Variants in SERINC1 observed in about 807,000 individuals in gnomAD.
SERINC1 encodes tumor differentially expressed protein 2.
Under a neutral mutation model 52.9 loss-of-function variants are expected in SERINC1, and 38 were observed. The observed-to-expected ratio is 0.72, with a 90% CI of 0.55 to 0.94. The LOEUF is 0.94. SERINC1 is among the 40% of genes least tolerant of loss of function. The pLI is 0.00. For synonymous variants in SERINC1, 198 were observed against 183.1 expected, an observed-to-expected ratio of 1.08 and a Z score of -0.66; for missense variants, 471 against 533.9, an observed-to-expected ratio of 0.88 and a Z score of 1.16.
intron 2 of SERINC1, among the ~76,000 whole-genome samples, chr6:122,457,850 TCAA>T (rs1244041027): frequency 6.6e-6 from 1 of 151,338 alleles, no homozygotes; most frequent in African/African-American, 2.4e-5. Context: ...TACCACCAAG[TCAA>T]CATGTTAGAA....
At position 122,443,354 on chromosome 6, in the gene SERINC1, C is replaced by G. The variant is rs531498271; in HGVS notation, c.*1690G>C. On this transcript the variant is annotated 3_prime_UTR_variant, in exon 10 of 10. Transcript: ENST00000339697. ...AAATAATCAGTACACTACACACTTT[C>G]TCTGAATTCATTTATTTAGAGGTAA... 2 of 152,280 alleles carry G rather than the reference C, an allele frequency of 1.3e-5. No individual in the cohort carries two copies. Among genetic ancestry groups the G allele is most frequent in the Admixed American group, 1.3e-4 (2 of 15,302 alleles). The allele number at this position is 152,280 out of a possible 1,614,324, so 9.4% of individuals were successfully genotyped here.
At chr6:122,468,201 T>C (rs931144251) in intron 1 of SERINC1, among the ~76,000 whole-genome samples, 9 of 152,238 alleles carry the variant, frequency 5.9e-5, no homozygotes. Flanking sequence ...CTTAAAAAGT[T>C]ACTCCAACTT....
At chr6:122,448,880 G>C (rs1774856538) in intron 7 of SERINC1, among the ~76,000 whole-genome samples, 1 of 148,068 alleles carries the variant, frequency 6.8e-6, no homozygotes, top group African/African-American at 2.5e-5. Context: ...CAAGTCTATT[G>C]GTTCCATTTT....
chr6:122,454,250 A>T lies in SERINC1; in HGVS notation c.372-20T>A, dbSNP rs1413213258. On this transcript the variant is annotated intron_variant, in intron 3 of 9. Transcript: ENST00000339697. ...CAAAATCTAAAACAAAAAGAAATAT[A>T]ATTTTTTATTAATAGACATTCATCA... is the stretch of plus-strand genomic sequence containing the variant. 7.6e-7 allele frequency: 1 copy of T among 1,308,794 alleles called. No individual in the cohort carries two copies. The highest frequency in any genetic ancestry group is 1.1e-6 in the Non-Finnish European group (1 of 935,922). 81.1% of individuals were successfully genotyped at this position (1,308,794 alleles called of 1,614,324 possible).
At chr6:122,446,129 T>A (rs889408145) in intron 9 of SERINC1, among the ~76,000 whole-genome samples, 2 of 152,052 alleles carry the variant, frequency 1.3e-5, no homozygotes, top group African/African-American at 4.8e-5. Flanking sequence ...ATAGTTCAAT[T>A]TGAATCTTTG....
intron 7 of SERINC1, among the ~76,000 whole-genome samples, chr6:122,447,597 A>G (rs1774829477): frequency 1.3e-5 from 2 of 152,216 alleles, no homozygotes; most frequent in South Asian, 4.1e-4. Flanking sequence ...TAGTAGATTT[A>G]GAAAGAAAAT....
Position 122,446,623 on chromosome 6 carries a change from T to C in SERINC1, c.1226+151A>G, listed in dbSNP as rs548038651. On this transcript the variant is annotated intron_variant, in intron 9 of 9. Transcript: ENST00000339697. Reference sequence around the variant, plus strand: ...TTAAAGCAAGGAAGTAAAGACTGCATTTCTCATGCTGATCTCACTATTCAT... The same window carrying C: ...TTAAAGCAAGGAAGTAAAGACTGCACTTCTCATGCTGATCTCACTATTCAT... 167 of 600,446 alleles carry C rather than the reference T, an allele frequency of 2.8e-4. 3 individuals are homozygous for C. In the African/African-American group the frequency reaches 3.0e-3, roughly 11 times the overall value. The allele number at this position is 600,446 out of a possible 1,614,324, so 37.2% of individuals were successfully genotyped here. A position where few individuals can be genotyped will look rare whatever the true frequency, so the allele number is the denominator to read the frequency against.
chr6:122,448,147 A>G (rs1249007010), intron 7 of SERINC1, among the ~76,000 whole-genome samples: 1 of 151,918 alleles, frequency 6.6e-6, no homozygotes, highest in African/African-American at 2.4e-5. Context: ...AATATTCACT[A>G]AAGTGTCTAA....
intron 1 of SERINC1, among the ~76,000 whole-genome samples, chr6:122,469,884 A>C (rs1178367110): frequency 6.6e-6 from 1 of 152,152 alleles, no homozygotes; most frequent in Non-Finnish European, 1.5e-5. Context: ...AAAGCTGAAT[A>C]AATTTTAATT....
chr6:122,456,990 C>T (rs183822625), intron 2 of SERINC1, among the ~76,000 whole-genome samples: 1 of 152,234 alleles, frequency 6.6e-6, no homozygotes, highest in Admixed American at 6.5e-5. Flanking sequence ...TCTGAGACTA[C>T]TGTTCAGAAC....
intron 1 of SERINC1, among the ~76,000 whole-genome samples, chr6:122,463,056 C>G (rs1489752605): frequency 6.6e-6 from 1 of 152,124 alleles, no homozygotes; most frequent in Non-Finnish European, 1.5e-5. Flanking sequence ...GATTTCAAGA[C>G]TAGCATTAAA....
intron 5 of SERINC1, among the ~76,000 whole-genome samples, chr6:122,452,810 C>G (rs1434618142): frequency 6.6e-6 from 1 of 152,128 alleles, no homozygotes; most frequent in Admixed American, 6.6e-5. Context: ...AGTGAAATTT[C>G]CAAATGACTA....
Position 122,445,047 on chromosome 6 carries a change from G to A in SERINC1, c.1359C>T (p.Asp453=). 6.2e-7 allele frequency: 1 copy of A among 1,612,562 alleles called. No homozygotes were observed. The highest frequency in any genetic ancestry group is 8.5e-7 in the Non-Finnish European group (1 of 1,179,510). ...APLVLTNRDF[D] Reference sequence around the variant, plus strand: ...ACTTTCATGCTAGAAGTCTCACTCAGTCAAAATCACGATTTGTAAGAACAA... The same window carrying A: ...ACTTTCATGCTAGAAGTCTCACTCAATCAAAATCACGATTTGTAAGAACAA... The change falls in exon 10 of 10, where the codon GAC becomes GAT. Residue 453 remains aspartate, a synonymous_variant. Coordinates refer to ENST00000339697, the MANE Select transcript of SERINC1 (RefSeq NM_020755.4).
At chr6:122,450,209 T>C (rs1395454326) in intron 7 of SERINC1, among the ~76,000 whole-genome samples, 1 of 152,180 alleles carries the variant, frequency 6.6e-6, no homozygotes, top group Non-Finnish European at 1.5e-5. Context: ...ACAATGATTT[T>C]AAGAGAAAGC....
In SERINC1 at chr6:122,443,353, T is replaced by C. The variant is rs770233652; in HGVS notation, c.*1691A>G. The C allele has an allele frequency of 3.3e-5, 5 of 152,204 alleles. No individual in the cohort carries two copies. The highest frequency in any genetic ancestry group is 7.2e-5 in the African/African-American group (3 of 41,448). The allele number at this position is 152,204 out of a possible 1,614,324, so 9.4% of individuals were successfully genotyped here. On this transcript the variant is annotated 3_prime_UTR_variant, in exon 10 of 10. Transcript: ENST00000339697. ...TAAATAATCAGTACACTACACACTTTCTCTGAATTCATTTATTTAGAGGTA... is the reference window on the plus strand; with the variant it reads ...TAAATAATCAGTACACTACACACTTCCTCTGAATTCATTTATTTAGAGGTA...
chr6:122,467,206 A>G (rs1484702245), intron 1 of SERINC1, among the ~76,000 whole-genome samples: 1 of 152,234 alleles, frequency 6.6e-6, no homozygotes, highest in Non-Finnish European at 1.5e-5. Flanking sequence ...AGCAGGTCAG[A>G]AGATTCTGGG....
chr6:122,455,334 C>G (rs551749728), intron 3 of SERINC1, among the ~76,000 whole-genome samples: 11 of 152,090 alleles, frequency 7.2e-5, no homozygotes, highest in African/African-American at 2.7e-4. Flanking sequence ...GAAAGGCAGA[C>G]ACACCCTTAA....
intron 1 of SERINC1, among the ~76,000 whole-genome samples, chr6:122,461,214 T>C (rs925512137): frequency 6.6e-6 from 1 of 152,020 alleles, no homozygotes; most frequent in African/African-American, 2.4e-5. Flanking sequence ...AACAAAGCCC[T>C]AGCAAAATAA....
intron 1 of SERINC1, among the ~76,000 whole-genome samples, chr6:122,471,252 A>G (rs1334937995): frequency 3.9e-5 from 6 of 152,050 alleles, no homozygotes; most frequent in Non-Finnish European, 7.4e-5. Flanking sequence ...GGCGACATGA[A>G]TCCAGGAACG....
Sources: gnomAD v4.1 joint callset for allele counts (sites outside exome capture counted in the v4.1 genomes callset) on GRCh38, gnomAD v4.1.1 for gene constraint, MANE v1.5 for transcripts, NCBI Gene and HGNC (gene_info 2026-07-23, HGNC 2026-07-21) for gene names.